Variants in ARHGEF10L observed in about 807,000 individuals in gnomAD.
ARHGEF10L encodes rho guanine nucleotide exchange factor 10-like protein.
In ARHGEF10L, 69 loss-of-function variants were observed where a neutral mutation model predicts 141.2. The observed-to-expected ratio is 0.49, with a 90% CI of 0.40 to 0.60. ARHGEF10L has a LOEUF of 0.60. ARHGEF10L is among the 20% of genes least tolerant of loss of function. ARHGEF10L has a pLI of 0.00. For missense variants in ARHGEF10L, 1,482 were observed against 1,734.3 expected, an observed-to-expected ratio of 0.85 and a Z score of 2.58; for synonymous variants, 711 against 718.5, an observed-to-expected ratio of 0.99 and a Z score of 0.17.
At chr1:17,529,298 C>T in the ARHGEF10L span, among the ~76,000 whole-genome samples, 5 of 152,190 alleles carry the variant, frequency 3.3e-5, no homozygotes, top group East Asian at 3.8e-4. Context: ...TCACCACATC[C>T]GGCCAATTAA....
rs2077429139 is a variant in ARHGEF10L at position 17,558,534 on chromosome 1, A to C, written c.-44+18584A>C. Among the ~76,000 whole-genome samples, 1 of 152,232 alleles carries C rather than the reference A, an allele frequency of 6.6e-6. No individual in the cohort carries two copies. Among genetic ancestry groups the C allele is most frequent in the Non-Finnish European group, 1.5e-5 (1 of 68,040 alleles). On this transcript the variant is annotated intron_variant, in intron 1 of 28. Coordinates refer to ENST00000361221, the MANE Select transcript of ARHGEF10L (RefSeq NM_018125.4). This position sits in a 1 kb window ranked among gnomAD's most constrained non-coding sequence, Gnocchi z 4.2. Reference sequence around the variant, plus strand: ...GGGAGACTGCTCTGATGCCAGCTGCATGTGCTAAGCAAAGTGTATTTGGGA... The same window carrying C: ...GGGAGACTGCTCTGATGCCAGCTGCCTGTGCTAAGCAAAGTGTATTTGGGA...
At position 17,639,929 on chromosome 1, in the gene ARHGEF10L, G is replaced by C; in HGVS notation, c.2172-273G>C. On this transcript the variant is annotated intron_variant, in intron 20 of 28. Transcript: ENST00000361221. The surrounding 1 kb of genome is among the most constrained non-coding windows in gnomAD (Gnocchi z 4.3). ...CTGCAGAGGCTCTGCCGGGCACAAA[G>C]CCAGAGGCTCCTGGAGCCAGGCTGG... 1 of 1,468,744 alleles carries C rather than the reference G, an allele frequency of 6.8e-7. No homozygotes were observed. The highest frequency in any genetic ancestry group is 9.1e-7 in the Non-Finnish European group (1 of 1,104,160). 91.0% of individuals were successfully genotyped at this position (1,468,744 alleles called of 1,614,324 possible). A position where few individuals can be genotyped will look rare whatever the true frequency, so the allele number is the denominator to read the frequency against.
At chr1:17,584,011 C>A (rs556485415) in intron 2 of ARHGEF10L, among the ~76,000 whole-genome samples, 1 of 152,178 alleles carries the variant, frequency 6.6e-6, no homozygotes, top group East Asian at 1.9e-4. Context: ...ACCACCACAC[C>A]CAGCCGATTT....
At chr1:17,561,508 G>A (rs185638098) in intron 1 of ARHGEF10L, among the ~76,000 whole-genome samples, 3 of 152,278 alleles carry the variant, frequency 2.0e-5, no homozygotes, top group Admixed American at 6.5e-5. Context: ...CTCCTGTCTC[G>A]CAGAGGGGGA....
intron 2 of ARHGEF10L, 68 bp from the exon 3 acceptor site, chr1:17,587,392 C>T (rs1168909071): frequency 6.6e-6 from 10 of 1,516,246 alleles, no homozygotes; most frequent in African/African-American, 1.4e-5. Flanking sequence ...GCCCACCTAC[C>T]CCAGCCATCT....
intron 2 of ARHGEF10L, among the ~76,000 whole-genome samples, chr1:17,586,627 C>T (rs955831627): frequency 3.3e-5 from 5 of 152,148 alleles, no homozygotes; most frequent in African/African-American, 1.2e-4. Flanking sequence ...TAACAAAAGC[C>T]GCTGAGCTCC....
intron 16 of ARHGEF10L, 128 bp downstream of exon 16, chr1:17,632,594 C>T (rs1253711698): frequency 1.6e-6 from 2 of 1,219,708 alleles, no homozygotes; most frequent in Admixed American, 1.8e-5. Flanking sequence ...TTCCAATATT[C>T]CTCTCCCATC....
chr1:17,630,440 C>T (rs979441109), intron 15 of ARHGEF10L, among the ~76,000 whole-genome samples: 3 of 152,192 alleles, frequency 2.0e-5, no homozygotes, highest in Non-Finnish European at 2.9e-5. Context: ...CTTCAAGGTC[C>T]GAGTAGTGGT....
rs2081293724 is a variant in ARHGEF10L at position 17,607,609 on chromosome 1, C to T, written c.434-193C>T. 6.6e-6 allele frequency among the ~76,000 whole-genome samples: 1 copy of T among 152,206 alleles called. No homozygotes were observed. Among genetic ancestry groups the T allele is most frequent in the Non-Finnish European group, 1.5e-5 (1 of 68,024 alleles). On this transcript the variant is annotated intron_variant, in intron 6 of 28. Transcript: ENST00000361221. The surrounding 1 kb of genome is among the most constrained non-coding windows in gnomAD (Gnocchi z 4.5). ...GTTTTCCCCATTTTCTCAGGCCCTCCTTGCCCTACGAGGGGGAAAATGTAT... is the reference window on the plus strand; with the variant it reads ...GTTTTCCCCATTTTCTCAGGCCCTCTTTGCCCTACGAGGGGGAAAATGTAT...
In ARHGEF10L at chr1:17,639,959, C is replaced by G; in HGVS notation, c.2172-243C>G. 6.7e-7 allele frequency: 1 copy of G among 1,489,110 alleles called. No homozygotes were observed. Among genetic ancestry groups the G allele is most frequent in the Non-Finnish European group, 8.9e-7 (1 of 1,118,044 alleles). The allele number at this position is 1,489,110 out of a possible 1,614,324, so 92.2% of individuals were successfully genotyped here. Reference sequence around the variant, plus strand: ...AGGCTCCTGGAGCCAGGCTGGGGAGCGTGGCTCAGCCACCCTGGCCAGGTA... The same window carrying G: ...AGGCTCCTGGAGCCAGGCTGGGGAGGGTGGCTCAGCCACCCTGGCCAGGTA... On this transcript the variant is annotated intron_variant, in intron 20 of 28. Transcript: ENST00000361221. This position sits in a 1 kb window ranked among gnomAD's most constrained non-coding sequence, Gnocchi z 4.3.
chr1:17,580,673 A>G (rs1353448918), intron 2 of ARHGEF10L, 41 bp downstream of exon 2: 1 of 1,613,522 alleles, frequency 6.2e-7, no homozygotes, highest in Admixed American at 1.7e-5. Flanking sequence ...ATCCTTTCTT[A>G]GAAGGGGGCC....
intron 1 of ARHGEF10L, among the ~76,000 whole-genome samples, chr1:17,551,235 C>T (rs2077100570): frequency 6.6e-6 from 1 of 152,186 alleles, no homozygotes; most frequent in Non-Finnish European, 1.5e-5. Flanking sequence ...ATGCTGTGCA[C>T]TGGGCAAGGA....
At chr1:17,598,192 C>T (rs1187909244) in intron 4 of ARHGEF10L, among the ~76,000 whole-genome samples, 1 of 151,800 alleles carries the variant, frequency 6.6e-6, no homozygotes, top group Admixed American at 6.6e-5. Context: ...ACCTCCGCTT[C>T]CCGGGTTCAA....
intron 26 of ARHGEF10L, among the ~76,000 whole-genome samples, chr1:17,686,078 T>TTTTC (rs537589890): frequency 0.047 from 6,593 of 140,526 alleles, 258 homozygotes; most frequent in East Asian, 0.17. Context: ...GTTTTGTTTT[T>TTTTC]TTTCTTTCTT....
Position 17,582,921 on chromosome 1 carries a change from G to A in ARHGEF10L, c.37+2289G>A, listed in dbSNP as rs149212184. 2.6e-5 allele frequency among the ~76,000 whole-genome samples: 4 copies of A among 152,134 alleles called. No homozygotes were observed. The East Asian group carries it at 7.7e-4, about 29-fold the overall frequency. ...CATGCATGGATAACTGAAGCTATTT[G>A]TACTCTTAAAGGGAGGAGGTGCAGG... On this transcript the variant is annotated intron_variant, in intron 2 of 28. Transcript: ENST00000361221.
rs201454155 is a variant in ARHGEF10L at position 17,581,326 on chromosome 1, A to G, written c.37+694A>G. The stretch of plus-strand genomic sequence containing the variant: ...GACTGTCTCAAAAAAAAAAAAAAAA[A>G]AAAAAAGAAAAGAGAAAAAGAAAAA... On this transcript the variant is annotated intron_variant, in intron 2 of 28. Transcript: ENST00000361221. Among the ~76,000 whole-genome samples the G allele has an allele frequency of 1.0e-3, 151 of 151,494 alleles. 1 individual carries two copies. The highest frequency in any genetic ancestry group is 6.4e-3 in the East Asian group (33 of 5,162).
Position 17,591,042 on chromosome 1 carries a change from A to T in ARHGEF10L, c.257+2563A>T, listed in dbSNP as rs114539493. Reference sequence around the variant, plus strand: ...CCAAAGAATACCACCCCACCCCTCTACCCCCAAATGAATGGCATGTCAATA... The same window carrying T: ...CCAAAGAATACCACCCCACCCCTCTTCCCCCAAATGAATGGCATGTCAATA... On this transcript the variant is annotated intron_variant, in intron 4 of 28. Transcript: ENST00000361221. Among the ~76,000 whole-genome samples the T allele has an allele frequency of 1.9e-3, 284 of 151,864 alleles. 1 individual carries two copies. The highest frequency in any genetic ancestry group is 6.5e-3 in the African/African-American group (271 of 41,402).
rs1476890202 is a variant in ARHGEF10L at position 17,654,175 on chromosome 1, G to A, written c.2395-461G>A. Among the ~76,000 whole-genome samples, 1 of 152,210 alleles carries A rather than the reference G, an allele frequency of 6.6e-6. No homozygotes were observed. Among genetic ancestry groups the A allele is most frequent in the Non-Finnish European group, 1.5e-5 (1 of 68,042 alleles). ...GGGTCTGTGGCAGCTGATTCAGGGGGGAGCAGGCGGAAGGTGGTTACTGGT... is the reference window on the plus strand; with the variant it reads ...GGGTCTGTGGCAGCTGATTCAGGGGAGAGCAGGCGGAAGGTGGTTACTGGT... On this transcript the variant is annotated intron_variant, in intron 22 of 28. Coordinates refer to ENST00000361221, the MANE Select transcript of ARHGEF10L (RefSeq NM_018125.4). This position sits in a 1 kb window ranked among gnomAD's most constrained non-coding sequence, Gnocchi z 4.3.
At chr1:17,659,043 G>A (rs1006723652) in intron 25 of ARHGEF10L, among the ~76,000 whole-genome samples, 1 of 152,100 alleles carries the variant, frequency 6.6e-6, no homozygotes, top group African/African-American at 2.4e-5. Context: ...GTGACCCGGG[G>A]GCAGACAGAG....
Sources: gnomAD v4.1 joint callset for allele counts (sites outside exome capture counted in the v4.1 genomes callset) on GRCh38, gnomAD v4.1.1 for gene constraint, Gnocchi (gnomAD v3.1) non-coding constraint, MANE v1.5 for transcripts, NCBI Gene and HGNC (gene_info 2026-07-23, HGNC 2026-07-21) for gene names.